WDPCP: variants seen among roughly 807,000 people sequenced by gnomAD.
The protein encoded by WDPCP is WD repeat containing planar cell polarity effector.
A neutral mutation model predicts 93.1 loss-of-function variants in WDPCP; 71 were observed. The ratio of observed to expected loss-of-function variants is 0.76; its 90% CI spans 0.63 to 0.93. The LOEUF (loss-of-function observed/expected upper bound fraction) is 0.93, where lower values mean the gene tolerates loss of function less well. Among genes scored for constraint, WDPCP ranks in the 40% least tolerant of loss-of-function variants. WDPCP has a pLI of 0.00. For synonymous variants in WDPCP, 315 were observed against 315.0 expected (o/e 1.00, Z 0.00); for missense variants, 844 against 887.4 (o/e 0.95, Z 0.62).
At chr2:63,668,246 C>T (rs1015948908) in intron 2 of WDPCP, among the ~76,000 whole-genome samples, 13 of 152,126 alleles carry the variant, frequency 8.5e-5, no homozygotes, top group African/African-American at 3.1e-4. Flanking sequence ...CTGGGGTCAT[C>T]TCTAACTCTC....
intron 1 of WDPCP, among the ~76,000 whole-genome samples, chr2:63,571,043 T>G (rs759159596): frequency 9.9e-5 from 15 of 151,268 alleles, no homozygotes; most frequent in Non-Finnish European, 1.6e-4. Flanking sequence ...CAGCTGGGAC[T>G]ACAGGTGCGT....
intron 15 of WDPCP, among the ~76,000 whole-genome samples, chr2:63,166,715 G>C (rs766981584): frequency 3.3e-5 from 5 of 152,086 alleles, no homozygotes; most frequent in Non-Finnish European, 7.3e-5. Flanking sequence ...TTTTGATATA[G>C]GTAAACAATG....
chr2:63,840,024 T>TA, the WDPCP span, among the ~76,000 whole-genome samples: 2 of 152,206 alleles, frequency 1.3e-5, no homozygotes, highest in African/African-American at 4.8e-5. Flanking sequence ...AATGAGTCAT[T>TA]AAAAAATTCT....
intron 14 of WDPCP, among the ~76,000 whole-genome samples, chr2:63,180,093 T>C (rs1160803925): frequency 1.3e-5 from 2 of 152,188 alleles, no homozygotes; most frequent in Admixed American, 1.3e-4. Context: ...CATTTATAAA[T>C]AGGAGCTAAA....
intron 1 of WDPCP, among the ~76,000 whole-genome samples, chr2:63,587,905 T>A (rs939956711): frequency 1.3e-5 from 2 of 152,242 alleles, no homozygotes; most frequent in Admixed American, 1.3e-4. Flanking sequence ...TAGAACCGTA[T>A]ACTGTGACCT....
At chr2:63,663,020 C>T (rs1446741650) in intron 2 of WDPCP, among the ~76,000 whole-genome samples, 2 of 152,208 alleles carry the variant, frequency 1.3e-5, no homozygotes, top group African/African-American at 2.4e-5. Context: ...CATGAGGTAC[C>T]TCAAGGTGAA....
chr2:63,595,281 C>A, intron 3 of WDPCP: 1 of 688,616 alleles, frequency 1.5e-6, no homozygotes, highest in African/African-American at 1.8e-5. Flanking sequence ...GTGCTAGATA[C>A]CTGACCTCCT....
intron 3 of WDPCP, among the ~76,000 whole-genome samples, chr2:63,612,873 A>G (rs1192039403): frequency 6.6e-6 from 1 of 151,516 alleles, no homozygotes; most frequent in African/African-American, 2.4e-5. Flanking sequence ...CAGGTAGGGG[A>G]AAAATGTTAT....
At chr2:63,707,831 GT>G (rs1309599445) in intron 2 of WDPCP, among the ~76,000 whole-genome samples, 1 of 152,210 alleles carries the variant, frequency 6.6e-6, no homozygotes, top group Non-Finnish European at 1.5e-5. Flanking sequence ...CTGTTTGTTA[GT>G]TTTCCTTCTA....
At position 63,434,423 on chromosome 2, in the gene WDPCP, G is replaced by A. The variant is rs190748305; in HGVS notation, c.634-487C>T. Among the ~76,000 whole-genome samples the A allele has an allele frequency of 2.0e-4, 31 of 152,274 alleles. No individual in the cohort carries two copies. In the East Asian group the frequency reaches 5.6e-3, roughly 27 times the overall value. On this transcript the variant is annotated intron_variant, in intron 8 of 17. Transcript: ENST00000272321. ...TATGCGACGTATACACATATATTCT[G>A]CATAAAAGGGATAAGCCACAGCATC...
intron 1 of WDPCP, among the ~76,000 whole-genome samples, chr2:63,517,347 A>ATACT (rs1254545493): frequency 1.3e-5 from 2 of 152,150 alleles, no homozygotes; most frequent in Admixed American, 1.3e-4. Flanking sequence ...TCAAGTCCTT[A>ATACT]TACTGGCTTA....
At chr2:63,657,441 C>T (rs570066540) in intron 2 of WDPCP, among the ~76,000 whole-genome samples, 17 of 152,144 alleles carry the variant, frequency 1.1e-4, no homozygotes, top group African/African-American at 3.6e-4. Flanking sequence ...CTTCTGACCT[C>T]GTGATCTGCC....
chr2:63,628,516 A>G lies in WDPCP; in HGVS notation n.488+22143T>C, dbSNP rs75069279. Among the ~76,000 whole-genome samples the G allele has an allele frequency of 2.4e-4, 37 of 152,348 alleles. No homozygotes were observed. In the East Asian group the frequency reaches 3.9e-3, roughly 16 times the overall value. ...AAAAAGCATAAGTTTCAACTGAGGAAAAACTAAGACAGAGTGATCTTAAAA... is the reference window on the plus strand; with the variant it reads ...AAAAAGCATAAGTTTCAACTGAGGAGAAACTAAGACAGAGTGATCTTAAAA... On this transcript the variant is annotated intron_variant and non_coding_transcript_variant, in intron 3 of 4. Coordinates refer to the WDPCP transcript ENST00000467687.
intron 1 of WDPCP, among the ~76,000 whole-genome samples, chr2:63,558,527 C>CAAA (rs57582852): frequency 5.6e-5 from 8 of 143,252 alleles, no homozygotes; most frequent in Non-Finnish European, 1.1e-4. Flanking sequence ...GACTCTGTCT[C>CAAA]AAAAAAAAAA....
intron 15 of WDPCP, among the ~76,000 whole-genome samples, chr2:63,154,012 GAAT>G (rs1480046943): frequency 1.3e-5 from 2 of 151,652 alleles, no homozygotes; most frequent in Non-Finnish European, 2.9e-5. Context: ...CATAGAAAAA[GAAT>G]AATATAAATA....
intron 17 of WDPCP, among the ~76,000 whole-genome samples, chr2:63,134,890 A>G (rs898615746): frequency 2.0e-5 from 3 of 152,214 alleles, no homozygotes; most frequent in African/African-American, 4.8e-5. Flanking sequence ...TGGGAGGCCA[A>G]TGCAGGTGGA....
the WDPCP span, among the ~76,000 whole-genome samples, chr2:63,837,674 A>T: frequency 1.3e-5 from 2 of 152,240 alleles, no homozygotes; most frequent in Non-Finnish European, 2.9e-5. Flanking sequence ...AACACAGCTT[A>T]TTGTAAAGTC....
chr2:63,721,686 T>A (rs1669416075), intron 2 of WDPCP, among the ~76,000 whole-genome samples: 1 of 151,354 alleles, frequency 6.6e-6, no homozygotes, highest in African/African-American at 2.4e-5. Flanking sequence ...CTTAGAATGC[T>A]CCCTGCCCTC....
At chr2:63,831,413 T>G (rs1194424564), upstream of WDPCP, among the ~76,000 whole-genome samples, 2 of 152,214 alleles carry the variant, frequency 1.3e-5, no homozygotes, top group Admixed American at 6.5e-5. Flanking sequence ...TTCTTGCCTT[T>G]CTATCTGGCA....
Sources: allele counts gnomAD v4.1 joint callset (sites outside exome capture counted in the v4.1 genomes callset), GRCh38; gene constraint gnomAD v4.1.1; transcripts MANE v1.5; gene names NCBI Gene and HGNC (gene_info 2026-07-23, HGNC 2026-07-21).